Variants in ZNF251 observed in about 807,000 individuals in gnomAD.
ZNF251 encodes the protein zinc finger protein 251.
In ZNF251, 14 loss-of-function variants were observed where a neutral mutation model predicts 13.5. The observed-to-expected ratio is 1.04, with a 90% CI of 0.69 to 1.63. ZNF251 has a LOEUF of 1.63. ZNF251 is among the 40% of genes most tolerant of loss of function. The pLI is 0.00. For synonymous variants in ZNF251, 287 were observed against 295.2 expected (o/e 0.97, Z 0.28); for missense variants, 764 against 834.9 (o/e 0.92, Z 1.05).
intron 4 of ZNF251, among the ~76,000 whole-genome samples, chr8:144,743,253 A>C (rs1824252872): frequency 6.6e-6 from 1 of 152,098 alleles, no homozygotes; most frequent in Non-Finnish European, 1.5e-5. Flanking sequence ...TAGTAGAGAC[A>C]GAGTTTCATC....
intron 4 of ZNF251, among the ~76,000 whole-genome samples, chr8:144,751,068 T>C (rs1824671730): frequency 6.6e-6 from 1 of 152,020 alleles, no homozygotes; most frequent in Non-Finnish European, 1.5e-5. Flanking sequence ...AGGCTGGTCT[T>C]GAACTCCTGG....
At chr8:144,751,037 C>T (rs1824670691) in intron 4 of ZNF251, among the ~76,000 whole-genome samples, 1 of 151,900 alleles carries the variant, frequency 6.6e-6, no homozygotes, top group African/African-American at 2.4e-5. Context: ...TTAATAGAGA[C>T]AGGGTTTCAC....
chr8:144,735,497 A>T (rs560845592), intron 4 of ZNF251, among the ~76,000 whole-genome samples: 11 of 152,194 alleles, frequency 7.2e-5, no homozygotes, highest in African/African-American at 2.7e-4. Flanking sequence ...ACTCCCACAG[A>T]AATGTGTACT....
intron 4 of ZNF251, among the ~76,000 whole-genome samples, chr8:144,742,095 GGA>G (rs1354720971): frequency 6.6e-6 from 1 of 152,064 alleles, no homozygotes; most frequent in Non-Finnish European, 1.5e-5. Context: ...CTCAAAAGCA[GGA>G]GAGTGACCCA....
intron 4 of ZNF251, 125 bp from the exon 5 acceptor site, chr8:144,723,507 GA>G (rs144541339): frequency 0.014 from 8,483 of 605,736 alleles, 497 homozygotes; most frequent in African/African-American, 0.13. Context: ...GAAAAGATGT[GA>G]AAGGCAGAAT....
chr8:144,733,756 G>C lies in ZNF251; in HGVS notation c.278-10374C>G, dbSNP rs113172080. 4.0e-3 allele frequency among the ~76,000 whole-genome samples: 602 copies of C among 152,170 alleles called. 2 individuals carry two copies. The highest frequency in any genetic ancestry group is 0.013 in the African/African-American group (540 of 41,514). On this transcript the variant is annotated intron_variant, in intron 4 of 4. Transcript: ENST00000292562. ...CTTCAGGCGTGCCGTGTACCCCCAA[G>C]ACATATACGTAAGCAAATCTTTATT...
chr8:144,750,704 T>C (rs1824651185), intron 4 of ZNF251, among the ~76,000 whole-genome samples: 1 of 152,142 alleles, frequency 6.6e-6, no homozygotes, highest in South Asian at 2.1e-4. Flanking sequence ...CTGGAGTTTT[T>C]TTTCAGAGTT....
Position 144,734,724 on chromosome 8 carries a change from C to G in ZNF251, c.278-11342G>C, listed in dbSNP as rs976361801. On this transcript the variant is annotated intron_variant, in intron 4 of 4. Transcript: ENST00000292562. The surrounding 1 kb of genome is among the most constrained non-coding windows in gnomAD (Gnocchi z 4.4). ...AAAGGTCAAAATCACAGGAGACGGGCGAATTAGAACTGGAGACCAAAATTC... is the reference window on the plus strand; with the variant it reads ...AAAGGTCAAAATCACAGGAGACGGGGGAATTAGAACTGGAGACCAAAATTC... 1.3e-5 allele frequency among the ~76,000 whole-genome samples: 2 copies of G among 152,128 alleles called. No homozygotes were observed. The highest frequency in any genetic ancestry group is 4.8e-5 in the African/African-American group (2 of 41,412).
At chr8:144,747,868 T>A (rs1178415117) in intron 4 of ZNF251, among the ~76,000 whole-genome samples, 1 of 152,118 alleles carries the variant, frequency 6.6e-6, no homozygotes, top group Admixed American at 6.6e-5. Flanking sequence ...CGCCTCGGCC[T>A]CCCAAAGTGC....
In ZNF251 at chr8:144,721,173, G is replaced by T; in HGVS notation, c.*471C>A. On this transcript the variant is annotated 3_prime_UTR_variant, in exon 5 of 5. Coordinates refer to ENST00000292562, the MANE Select transcript of ZNF251 (RefSeq NM_138367.2). ...ACGTCTACCTGCAGTTCATCTGGGG[G>T]TTGGTGGGAGAGGTGGTGGAGAGAG... 5.6e-6 allele frequency: 1 copy of T among 178,746 alleles called. No individual in the cohort carries two copies. The allele number at this position is 178,746 out of a possible 1,614,324, so 11.1% of individuals were successfully genotyped here.
At position 144,723,169 on chromosome 8, in the gene ZNF251, ACT is replaced by A. The variant is rs1398633769; in HGVS notation, c.489_490del (p.Arg163SerfsTer21). ...CCTGCCCACGGTAGCTTCTGTTAAAACTCTCTTGTGAATATTGGGTTTGTTCA... is the reference window on the plus strand; with the variant it reads ...CCTGCCCACGGTAGCTTCTGTTAAAACTCTTGTGAATATTGGGTTTGTTCA... On this transcript the variant is annotated frameshift_variant, in exon 5 of 5. Coordinates refer to ENST00000292562, the MANE Select transcript of ZNF251 (RefSeq NM_138367.2). LOFTEE classifies it low-confidence loss of function (END_TRUNC). 3 of 1,610,930 alleles carry A rather than the reference ACT, an allele frequency of 1.9e-6. No homozygotes were observed. Among genetic ancestry groups the A allele is most frequent in the Non-Finnish European group, 1.7e-6 (2 of 1,178,470 alleles).
rs1824803147 is a variant in ZNF251 at position 144,753,555 on chromosome 8, G to GT, written c.277+127dup. The GT allele has an allele frequency of 6.1e-6, 4 of 656,012 alleles. 1 individual carries two copies. The South Asian group carries it at 7.4e-5, about 12-fold the overall frequency. The allele number at this position is 656,012 out of a possible 1,614,324, so 40.6% of individuals were successfully genotyped here. On this transcript the variant is annotated intron_variant, in intron 4 of 4. Coordinates refer to ENST00000292562, the MANE Select transcript of ZNF251 (RefSeq NM_138367.2). ...ACATGCTCACATTTGTAGAGGGGCTGTATCTGTGAGACTGCCCCTGGGGGA... is the reference window on the plus strand; with the variant it reads ...ACATGCTCACATTTGTAGAGGGGCTGTTATCTGTGAGACTGCCCCTGGGGGA...
At position 144,722,566 on chromosome 8, in the gene ZNF251, A is replaced by G. The variant is rs1398082716; in HGVS notation, c.1094T>C (p.Ile365Thr). The change falls in exon 5 of 5, where the codon ATT (isoleucine) becomes ACT (threonine). Residue 365 changes from isoleucine (I) to threonine (T), a missense_variant. Coordinates refer to ENST00000292562, the MANE Select transcript of ZNF251 (RefSeq NM_138367.2). This position sits in a 1 kb window ranked among gnomAD's most constrained non-coding sequence, Gnocchi z 4.8. ...TCCAGTGTGAATTCTCTCATGCTGA[A>G]TAAGGCTGGAGCTTCGACTGAAGGC... is the stretch of plus-strand genomic sequence containing the variant. ...GKAFSRSSSL[I>T]QHERIHTGEK... 5.6e-6 allele frequency: 9 copies of G among 1,613,192 alleles called. No individual in the cohort carries two copies. The highest frequency in any genetic ancestry group is 4.5e-5 in the East Asian group (2 of 44,772).
rs373779900 is a variant in ZNF251, at chr8:144,755,443, G to T, written c.-114C>A. 10 of 1,287,954 alleles carry T rather than the reference G, an allele frequency of 7.8e-6. No homozygotes were observed. In the African/African-American group the frequency reaches 1.1e-4, roughly 14 times the overall value. 79.8% of individuals were successfully genotyped at this position (1,287,954 alleles called of 1,614,324 possible). On this transcript the variant is annotated 5_prime_UTR_variant, in exon 1 of 5. Coordinates refer to ENST00000292562, the MANE Select transcript of ZNF251 (RefSeq NM_138367.2). ...CCGGGGAAGCCACCGAGGAAGCGCC[G>T]AGGAGCTGCGCAGTCGCACCGAGCC...
chr8:144,730,327 G>A (rs1823657274), intron 4 of ZNF251, among the ~76,000 whole-genome samples: 1 of 152,054 alleles, frequency 6.6e-6, no homozygotes, highest in South Asian at 2.1e-4. Flanking sequence ...GCGTCCCGGG[G>A]GTGACACTGG....
At chr8:144,738,765 T>A (rs1241066149) in intron 4 of ZNF251, 2 of 983,630 alleles carry the variant, frequency 2.0e-6, no homozygotes, top group Non-Finnish European at 2.4e-6. Flanking sequence ...GGCACCTGTT[T>A]GTGGAAACAG....
chr8:144,738,263 A>G (rs1446994207), intron 4 of ZNF251, among the ~76,000 whole-genome samples: 1 of 152,178 alleles, frequency 6.6e-6, no homozygotes, highest in East Asian at 1.9e-4. Context: ...CTGGTTGCCC[A>G]TGGGGTTCTG....
intron 4 of ZNF251, among the ~76,000 whole-genome samples, chr8:144,726,454 T>C (rs1256433241): frequency 6.8e-6 from 1 of 146,930 alleles, no homozygotes; most frequent in South Asian, 2.2e-4. Flanking sequence ...GGAGAATTGC[T>C]TGAACCAGGA....
intron 4 of ZNF251, among the ~76,000 whole-genome samples, chr8:144,737,309 G>A (rs1823939468): frequency 6.6e-6 from 1 of 152,006 alleles, no homozygotes; most frequent in South Asian, 2.1e-4. Context: ...TGTTGGCCAG[G>A]CTGGTCTTGA....
Sources: allele counts gnomAD v4.1 joint callset (sites outside exome capture counted in the v4.1 genomes callset), GRCh38; gene constraint gnomAD v4.1.1; non-coding constraint Gnocchi (gnomAD v3.1); transcripts MANE v1.5; gene names NCBI Gene and HGNC (gene_info 2026-07-23, HGNC 2026-07-21).